Variants in SMAD3 observed in about 807,000 individuals in gnomAD.
SMAD3 encodes MAD homolog 3.
SMAD3 carries 12 observed loss-of-function variants against 51.8 expected under a neutral mutation model. That is an observed-to-expected ratio of 0.23 (90% CI 0.15 to 0.38). SMAD3 has a LOEUF of 0.38. SMAD3 is among the 10% of genes least tolerant of loss of function. The pLI is 1.00. For missense variants in SMAD3, 294 were observed against 565.6 expected (o/e 0.52, Z 4.87); for synonymous variants, 238 against 227.7 (o/e 1.05, Z -0.41).
chr15:67,141,095 C>T (rs544901808), intron 1 of SMAD3, among the ~76,000 whole-genome samples: 5 of 152,290 alleles, frequency 3.3e-5, no homozygotes, highest in South Asian at 4.2e-4. Context: ...CAGCCCAGAC[C>T]GATCAATTGA....
At chr15:67,180,348 C>T (rs1289387573) in intron 5 of SMAD3, among the ~76,000 whole-genome samples, 1 of 151,760 alleles carries the variant, frequency 6.6e-6, no homozygotes, top group Admixed American at 6.6e-5. Context: ...CGAGGAGGCC[C>T]CAGGAAATGG....
At chr15:67,167,200 TGTAA>T (rs1287616086) in intron 4 of SMAD3, among the ~76,000 whole-genome samples, 1 of 152,006 alleles carries the variant, frequency 6.6e-6, no homozygotes, top group African/African-American at 2.4e-5. Flanking sequence ...CTTGGTGATG[TGTAA>T]GTGTTAGCCA....
In SMAD3 at chr15:67,187,346, G is replaced by C. The variant is rs1028727795; in HGVS notation, c.1010-19G>C. On this transcript the variant is annotated intron_variant, in intron 7 of 8. Transcript: ENST00000327367. ...TGGCCACTTCCATCCCCACAGCCCT[G>C]TTTCTGTGTTTTTGGCAGGATGCAA... is the stretch of plus-strand genomic sequence containing the variant. 1 of 1,614,134 alleles carries C rather than the reference G, an allele frequency of 6.2e-7. No individual in the cohort carries two copies. The highest frequency in any genetic ancestry group is 8.5e-7 in the Non-Finnish European group (1 of 1,180,012).
At chr15:67,134,191 C>G (rs1194177841) in intron 1 of SMAD3, among the ~76,000 whole-genome samples, 1 of 152,060 alleles carries the variant, frequency 6.6e-6, no homozygotes, top group Non-Finnish European at 1.5e-5. Flanking sequence ...CAAGGCTCAA[C>G]CCCTGCAACG....
Position 67,184,819 on chromosome 15 carries a change from C to A in SMAD3, c.964C>A (p.Gln322Lys), listed in dbSNP as rs1963178887. The change falls in exon 7 of 9, where the codon CAG becomes AAG. Residue 322 changes from glutamine (Q) to lysine (K), a missense_variant. Around this residue, in one of 3 missense-constraint regions of SMAD3, gnomAD observed 118 missense variants for 278.0 expected, o/e 0.42. Transcript: ENST00000327367. ...AIFVQSPNCN[Q>K]RYGWHPATVC... Reference sequence around the variant, plus strand: ...TTTTGTCCAGTCTCCCAACTGTAACCAGCGCTATGGCTGGCACCCGGCCAC... The same window carrying A: ...TTTTGTCCAGTCTCCCAACTGTAACAAGCGCTATGGCTGGCACCCGGCCAC... The A allele has an allele frequency of 6.2e-7, 1 of 1,613,608 alleles. No homozygotes were observed. Among genetic ancestry groups the A allele is most frequent in the African/African-American group, 1.3e-5 (1 of 74,932 alleles).
At chr15:67,082,545 T>G (rs1010006538) in intron 1 of SMAD3, among the ~76,000 whole-genome samples, 6 of 152,238 alleles carry the variant, frequency 3.9e-5, no homozygotes, top group African/African-American at 1.4e-4. Flanking sequence ...GCATCTCTCT[T>G]GTTTTGAATC....
intron 5 of SMAD3, among the ~76,000 whole-genome samples, chr15:67,173,744 CA>C (rs1187464011): frequency 2.0e-5 from 3 of 152,058 alleles, no homozygotes; most frequent in African/African-American, 7.2e-5. Context: ...CAAAACAAAA[CA>C]AAACAAAAAC....
chr15:67,164,618 C>T (rs1362998382), intron 1 of SMAD3, among the ~76,000 whole-genome samples: 1 of 152,210 alleles, frequency 6.6e-6, no homozygotes, highest in Non-Finnish European at 1.5e-5. Context: ...TGGAATGCCA[C>T]TCCCTGAAGA....
At chr15:67,189,541 T>C (rs1463811333) in intron 8 of SMAD3, among the ~76,000 whole-genome samples, 1 of 152,244 alleles carries the variant, frequency 6.6e-6, no homozygotes, top group Non-Finnish European at 1.5e-5. Context: ...CACAGCAGCC[T>C]GACGGGCGGG....
rs756181827 is a variant in SMAD3, at chr15:67,187,420, G to A, written c.1065G>A (p.Ser355=). The change falls in exon 8 of 9, where the codon TCG becomes TCA. Residue 355 remains serine (S), a synonymous_variant. Transcript: ENST00000327367. ...NQEFAALLAQ[S]VNQGFEAVYQ... ...AGTTCGCTGCCCTCCTGGCCCAGTC[G>A]GTCAACCAGGGCTTTGAGGCTGTCT... The A allele has an allele frequency of 1.1e-5, 18 of 1,613,994 alleles. No individual in the cohort carries two copies. Among genetic ancestry groups the A allele is most frequent in the Admixed American group, 6.7e-5 (4 of 60,004 alleles).
chr15:67,078,060 T>TA (rs1960208722), intron 1 of SMAD3: 1 of 152,270 alleles, frequency 6.6e-6, no homozygotes, highest in Non-Finnish European at 1.5e-5. Context: ...CATAATCCCT[T>TA]ACAGTACCAT....
intron 1 of SMAD3, chr15:67,137,993 C>T: frequency 6.7e-7 from 1 of 1,495,112 alleles, no homozygotes. Context: ...AGAATCCCTC[C>T]CTCCCGTCCC....
intron 1 of SMAD3, chr15:67,078,115 T>G (rs1229344147): frequency 1.3e-5 from 2 of 152,256 alleles, no homozygotes; most frequent in African/African-American, 4.8e-5. Flanking sequence ...AAGATAGTGT[T>G]TTGTTCACTG....
chr15:67,194,220 AGAT>A lies in SMAD3; in HGVS notation c.*3686_*3688del, dbSNP rs1963443617. 8.6e-6 allele frequency: 2 copies of A among 233,368 alleles called. No homozygotes were observed. Among genetic ancestry groups the A allele is most frequent in the Non-Finnish European group, 1.7e-5 (2 of 118,066 alleles). The allele number at this position is 233,368 out of a possible 1,614,324, so 14.5% of individuals were successfully genotyped here. A position where few individuals can be genotyped will look rare whatever the true frequency, so the allele number is the denominator to read the frequency against. Reference sequence around the variant, plus strand: ...AAGCTGTACTGTCTTTGTGTGGCAAAGATGTTCCCTTGTAGGCCCCTTTCAGGT... The same window carrying A: ...AAGCTGTACTGTCTTTGTGTGGCAAAGTTCCCTTGTAGGCCCCTTTCAGGT... On this transcript the variant is annotated 3_prime_UTR_variant, in exon 9 of 9. Coordinates refer to ENST00000327367, the MANE Select transcript of SMAD3 (RefSeq NM_005902.4).
intron 1 of SMAD3, among the ~76,000 whole-genome samples, chr15:67,164,545 G>A (rs914940772): frequency 7.2e-5 from 11 of 152,136 alleles, no homozygotes; most frequent in Non-Finnish European, 1.5e-4. Flanking sequence ...GTAGGAAGCC[G>A]ATGAGTGGCT....
intron 8 of SMAD3, among the ~76,000 whole-genome samples, chr15:67,189,787 T>C (rs934191432): frequency 6.6e-6 from 1 of 152,140 alleles, no homozygotes; most frequent in Non-Finnish European, 1.5e-5. Context: ...CAAAGTGCTT[T>C]GGGGAAAAGA....
rs771789172 is a variant in SMAD3, at chr15:67,113,385, C to T, written c.206+47025C>T. On this transcript the variant is annotated intron_variant, in intron 1 of 8. Transcript: ENST00000327367. ...GATTACAGGCATAAGCCACTGCGCCCGGCCTTAAAATATATTTTTCAAAAT... is the reference window on the plus strand; with the variant it reads ...GATTACAGGCATAAGCCACTGCGCCTGGCCTTAAAATATATTTTTCAAAAT... 8.2e-4 allele frequency among the ~76,000 whole-genome samples: 125 copies of T among 151,980 alleles called. No homozygotes were observed. In the Middle Eastern group the frequency reaches 0.01, roughly 12 times the overall value.
chr15:67,101,657 C>T (rs1295872873), intron 1 of SMAD3, among the ~76,000 whole-genome samples: 1 of 152,212 alleles, frequency 6.6e-6, no homozygotes, highest in Non-Finnish European at 1.5e-5. Context: ...TTCAGTTATA[C>T]TCTCAGTAAC....
At chr15:67,118,692 G>C (rs1488120300) in intron 1 of SMAD3, among the ~76,000 whole-genome samples, 3 of 152,168 alleles carry the variant, frequency 2.0e-5, no homozygotes, top group Non-Finnish European at 2.9e-5. Context: ...ATGTGATGTG[G>C]GTGTCCTGAG....
Sources: allele counts gnomAD v4.1 joint callset (sites outside exome capture counted in the v4.1 genomes callset), GRCh38; gene constraint gnomAD v4.1.1; regional missense constraint gnomAD v4.1.1; transcripts MANE v1.5; gene names NCBI Gene and HGNC (gene_info 2026-07-23, HGNC 2026-07-21).